The following ANKAR variants were observed in gnomAD, a reference collection of about 807,000 sequenced individuals.
The protein encoded by ANKAR is ankyrin and armadillo repeat containing, also known as ankyrin and armadillo repeat-containing protein.
A neutral mutation model predicts 146.2 loss-of-function variants in ANKAR; 136 were observed. That is an observed-to-expected ratio of 0.93 (90% CI 0.81 to 1.07). The LOEUF is 1.07. Ranked by LOEUF, ANKAR falls within the 50% of genes least tolerant of loss-of-function variation. ANKAR has a pLI of 0.00. For synonymous variants in ANKAR, 500 were observed against 575.8 expected, an observed-to-expected ratio of 0.87 and a Z score of 1.88; for missense variants, 1,567 against 1,679.9, an observed-to-expected ratio of 0.93 and a Z score of 1.18.
chr2:189,742,903 CTG>C (rs1271870495), intron 20 of ANKAR, among the ~76,000 whole-genome samples: 9 of 42,182 alleles, frequency 2.1e-4, no homozygotes, highest in African/African-American at 3.5e-4. Flanking sequence ...CTAGAATTAC[CTG>C]ACACACACAC....
At position 189,726,721 on chromosome 2, in the gene ANKAR, A is replaced by G. The variant is rs558307489; in HGVS notation, c.2636-1135A>G. On this transcript the variant is annotated intron_variant, in intron 12 of 22. Transcript: ENST00000684021. ...AGGACATTACTAGGAAAATCAACAC[A>G]ATATGATTAAAGTATTGCATCTACT... 3.9e-5 allele frequency among the ~76,000 whole-genome samples: 6 copies of G among 152,310 alleles called. No individual in the cohort carries two copies. In the East Asian group the frequency reaches 1.2e-3, roughly 29 times the overall value.
intron 7 of ANKAR, among the ~76,000 whole-genome samples, chr2:189,700,347 C>G (rs1574467840): frequency 6.6e-6 from 1 of 152,120 alleles, no homozygotes; most frequent in Non-Finnish European, 1.5e-5. Flanking sequence ...TTTTGCTTCT[C>G]TATTAGTAAT....
chr2:189,712,324 A>G (rs952313759), intron 10 of ANKAR, among the ~76,000 whole-genome samples: 2 of 152,186 alleles, frequency 1.3e-5, no homozygotes, highest in African/African-American at 4.8e-5. Context: ...TTGTAGCCTA[A>G]CTGGGAGACA....
chr2:189,731,679 T>TG (rs2042413924), intron 16 of ANKAR, among the ~76,000 whole-genome samples: 1 of 150,636 alleles, frequency 6.6e-6, no homozygotes, highest in African/African-American at 2.4e-5. Flanking sequence ...GCTGTTTCTT[T>TG]TTTAATCTGT....
intron 7 of ANKAR, among the ~76,000 whole-genome samples, chr2:189,698,070 C>G (rs2037499795): frequency 6.6e-6 from 1 of 152,022 alleles, no homozygotes; most frequent in South Asian, 2.1e-4. Context: ...TGTGCATTCC[C>G]TTTTAAAACA....
chr2:189,727,811 A>T, intron 12 of ANKAR, 45 bp from the exon 13 acceptor site: 1 of 1,586,620 alleles, frequency 6.3e-7, no homozygotes, highest in Non-Finnish European at 8.6e-7. Context: ...TGATATTCTT[A>T]TTTTTCATAA....
intron 2 of ANKAR, among the ~76,000 whole-genome samples, chr2:189,689,311 T>C (rs2036076254): frequency 6.6e-6 from 1 of 152,208 alleles, no homozygotes; most frequent in Non-Finnish European, 1.5e-5. Context: ...ACTTAGTTTT[T>C]AAGGTTTCTT....
Position 189,746,389 on chromosome 2 carries a change from A to C in ANKAR, c.4067A>C (p.His1356Pro). 6.2e-7 allele frequency: 1 copy of C among 1,605,094 alleles called. No individual in the cohort carries two copies. The highest frequency in any genetic ancestry group is 8.5e-7 in the Non-Finnish European group (1 of 1,177,580). ...TGTGGCTAATTTTTAGGGAAGGAGC[A>C]CCGAAGAAAATTAAAACCTAAAATT... is the stretch of plus-strand genomic sequence containing the variant. ...IIPIFKRGKEHRRKLKPKIQP... is the reference protein window; with the variant it reads ...IIPIFKRGKEPRRKLKPKIQP... The change falls in exon 23 of 23, where the codon CAC becomes CCC. Residue 1356 changes from histidine (H) to proline (P), a missense_variant. Transcript: ENST00000684021.
chr2:189,728,608 T>C lies in ANKAR; in HGVS notation c.3032-52T>C, dbSNP rs2042109387. ...GTCAGCCACCGTGTCCTCTGCATAA[T>C]GTAGAACAGGGCACTGGAGTATCAT... On this transcript the variant is annotated intron_variant, in intron 14 of 22. Coordinates refer to ENST00000684021, the MANE Select transcript of ANKAR (RefSeq NM_001378068.1). 1.9e-6 allele frequency: 3 copies of C among 1,587,426 alleles called. No individual in the cohort carries two copies. In the East Asian group the frequency reaches 6.7e-5, roughly 35 times the overall value.
intron 2 of ANKAR, among the ~76,000 whole-genome samples, chr2:189,685,943 T>TA (rs1025497186): frequency 1.1e-4 from 16 of 152,102 alleles, no homozygotes; most frequent in Non-Finnish European, 1.9e-4. Context: ...CCTTTTCTTT[T>TA]AAAAAAATTC....
chr2:189,727,857 T>C lies in ANKAR; in HGVS notation c.2637T>C (p.Asp879=). 6.2e-7 allele frequency: 1 copy of C among 1,610,332 alleles called. No homozygotes were observed. Among genetic ancestry groups the C allele is most frequent in the Non-Finnish European group, 8.5e-7 (1 of 1,177,842 alleles). The change falls in exon 13 of 23, where the codon GAT becomes GAC. Residue 879 remains aspartate (D), a splice_region_variant and synonymous_variant. Coordinates refer to ENST00000684021, the MANE Select transcript of ANKAR (RefSeq NM_001378068.1). ...ACTTGTTCTTAAATTCATTTGAAGA[T>C]GTGTTGAAGGCTGTATCTTCTGCTG... The part of the protein sequence containing the change: ...YLIRFLSSDS[D]VLKAVSSAAI...
chr2:189,754,123 T>C, intron 18 of ANKAR: 2 of 1,612,392 alleles, frequency 1.2e-6, no homozygotes, highest in Non-Finnish European at 1.7e-6. Flanking sequence ...TGTTCAACTT[T>C]ACTAATTAGA....
intron 18 of ANKAR, among the ~76,000 whole-genome samples, chr2:189,752,158 A>G (rs1407866030): frequency 2.6e-5 from 4 of 152,016 alleles, no homozygotes; most frequent in Non-Finnish European, 1.5e-5. Flanking sequence ...GAAAAAAAGT[A>G]AAGAAAAAAC....
chr2:189,754,895 CT>C (rs2045865523), intron 18 of ANKAR: 1 of 397,584 alleles, frequency 2.5e-6, no homozygotes, highest in Non-Finnish European at 4.4e-6. Context: ...GAAGCACGTT[CT>C]TTCACATACA....
intron 10 of ANKAR, among the ~76,000 whole-genome samples, chr2:189,714,722 G>A (rs920336263): frequency 2.1e-4 from 32 of 151,688 alleles, no homozygotes; most frequent in Admixed American, 1.7e-3. Flanking sequence ...TGAGGCGGGC[G>A]GATCACGAGG....
intron 18 of ANKAR, among the ~76,000 whole-genome samples, chr2:189,760,346 C>T (rs1271218660): frequency 1.3e-5 from 2 of 152,096 alleles, no homozygotes; most frequent in East Asian, 3.9e-4. Flanking sequence ...GGCGGAGGGG[C>T]CCCCACCCCT....
rs780728356 is a variant in ANKAR at position 189,704,998 on chromosome 2, T to C, written c.1709-25T>C. The C allele has an allele frequency of 3.7e-6, 6 of 1,608,516 alleles. No individual in the cohort carries two copies. The African/African-American group carries it at 5.3e-5, about 14-fold the overall frequency. On this transcript the variant is annotated intron_variant, in intron 7 of 22. Transcript: ENST00000684021. ...TTAGGAATGGTAGTGCTGTGATCAC[T>C]GAAGTAATTGTCCATCCATTCTAGG...
chr2:189,683,452 G>T (rs773684865), intron 2 of ANKAR, among the ~76,000 whole-genome samples: 16 of 152,174 alleles, frequency 1.1e-4, no homozygotes, highest in Non-Finnish European at 1.9e-4. Context: ...TTGAGGCAAG[G>T]TACAGTCAGG....
At chr2:189,750,963 T>C (rs2105964686), downstream of ANKAR, among the ~76,000 whole-genome samples, 1 of 152,318 alleles carries the variant, frequency 6.6e-6, no homozygotes, top group South Asian at 2.1e-4. Flanking sequence ...ATCTTATAAT[T>C]CTCTACAAAG....
Sources: allele counts gnomAD v4.1 joint callset (sites outside exome capture counted in the v4.1 genomes callset), GRCh38; gene constraint gnomAD v4.1.1; transcripts MANE v1.5; gene names NCBI Gene and HGNC (gene_info 2026-07-23, HGNC 2026-07-21).